UNC5D: variants seen among roughly 807,000 people sequenced by gnomAD.
UNC5D encodes the protein unc-5 netrin receptor D.
A neutral mutation model predicts 105.4 loss-of-function variants in UNC5D; 39 were observed. The observed-to-expected ratio is 0.37, with a 90% CI of 0.29 to 0.48. The LOEUF is 0.48. UNC5D is among the 20% of genes least tolerant of loss of function. The pLI is 0.98. For synonymous variants in UNC5D, 452 were observed against 450.4 expected, an observed-to-expected ratio of 1.00 and a Z score of -0.04; for missense variants, 991 against 1,202.4, an observed-to-expected ratio of 0.82 and a Z score of 2.60.
intron 4 of UNC5D, among the ~76,000 whole-genome samples, chr8:35,672,588 A>G (rs1158161096): frequency 3.9e-5 from 6 of 152,204 alleles, no homozygotes; most frequent in South Asian, 2.1e-4. Context: ...CTGTCCCACT[A>G]TGGAAAACAC....
At chr8:35,568,042 T>A in intron 2 of UNC5D, 56 bp from the exon 3 acceptor site, 2 of 1,590,202 alleles carry the variant, frequency 1.3e-6, no homozygotes, top group Non-Finnish European at 1.7e-6. Context: ...CTTAACTTTC[T>A]GTTTGAGAAA....
At chr8:35,474,873 G>A (rs1338403196) in intron 1 of UNC5D, among the ~76,000 whole-genome samples, 1 of 152,214 alleles carries the variant, frequency 6.6e-6, no homozygotes, top group Non-Finnish European at 1.5e-5. Flanking sequence ...GTGGAAAGGA[G>A]GCTCAGCAGA....
At chr8:35,715,896 G>A (rs1828226334) in intron 8 of UNC5D, among the ~76,000 whole-genome samples, 1 of 152,154 alleles carries the variant, frequency 6.6e-6, no homozygotes, top group Non-Finnish European at 1.5e-5. Context: ...ACAAGAAAGA[G>A]GGCAGGTGAG....
chr8:35,251,923 C>T (rs1316812306), intron 1 of UNC5D, among the ~76,000 whole-genome samples: 1 of 152,042 alleles, frequency 6.6e-6, no homozygotes, highest in Non-Finnish European at 1.5e-5. Context: ...AACCCCTGGC[C>T]TACACACCTT....
At chr8:35,428,346 A>ATTTTTTTT (rs35131097) in intron 1 of UNC5D, among the ~76,000 whole-genome samples, 3 of 92,810 alleles carry the variant, frequency 3.2e-5, no homozygotes, top group African/African-American at 4.5e-5. Context: ...ATGCCTGGCT[A>ATTTTTTTT]TTTTTTTTTT....
chr8:35,491,713 C>T (rs1811225235), intron 1 of UNC5D, among the ~76,000 whole-genome samples: 1 of 152,024 alleles, frequency 6.6e-6, no homozygotes, highest in Non-Finnish European at 1.5e-5. Flanking sequence ...CAAAGTGGTA[C>T]TTTGTTATAC....
intron 1 of UNC5D, among the ~76,000 whole-genome samples, chr8:35,437,673 T>A (rs1204531110): frequency 2.0e-5 from 3 of 152,090 alleles, no homozygotes; most frequent in Non-Finnish European, 2.9e-5. Context: ...AGTGGTGCTA[T>A]TAGCCGATAT....
intron 1 of UNC5D, among the ~76,000 whole-genome samples, chr8:35,515,554 G>A (rs969240371): frequency 6.6e-6 from 1 of 152,076 alleles, no homozygotes; most frequent in South Asian, 2.1e-4. Context: ...ATGTGGTGGT[G>A]TGCACCTGTA....
At chr8:35,536,801 G>T (rs1031240745) in intron 1 of UNC5D, among the ~76,000 whole-genome samples, 2 of 152,120 alleles carry the variant, frequency 1.3e-5, no homozygotes, top group African/African-American at 4.8e-5. Flanking sequence ...TTTGAGACCA[G>T]CCTGGCCAAT....
chr8:35,430,147 C>A (rs1806527574), intron 1 of UNC5D, among the ~76,000 whole-genome samples: 1 of 152,102 alleles, frequency 6.6e-6, no homozygotes, highest in Admixed American at 6.6e-5. Flanking sequence ...AGGATTGGGA[C>A]TTTCAGCCTG....
chr8:35,318,931 G>A (rs966430475), intron 1 of UNC5D, among the ~76,000 whole-genome samples: 1 of 152,034 alleles, frequency 6.6e-6, no homozygotes, highest in Non-Finnish European at 1.5e-5. Flanking sequence ...TACTAACTTA[G>A]GAGTTTCAAA....
chr8:35,667,658 T>C (rs1343681454), intron 4 of UNC5D, among the ~76,000 whole-genome samples: 1 of 152,224 alleles, frequency 6.6e-6, no homozygotes, highest in Non-Finnish European at 1.5e-5. Context: ...AAATAACATT[T>C]GTTGACCTAC....
At chr8:35,372,209 C>T (rs1802462907) in intron 1 of UNC5D, among the ~76,000 whole-genome samples, 1 of 152,066 alleles carries the variant, frequency 6.6e-6, no homozygotes, top group Non-Finnish European at 1.5e-5. Context: ...CTGCAACCTT[C>T]ACCCACTGGG....
At chr8:35,704,273 C>T (rs944551147) in intron 7 of UNC5D, among the ~76,000 whole-genome samples, 5 of 152,136 alleles carry the variant, frequency 3.3e-5, no homozygotes, top group Non-Finnish European at 5.9e-5. Flanking sequence ...TGGCAAAACA[C>T]ACTGGAGCTG....
chr8:35,364,412 C>T (rs1192991493), intron 1 of UNC5D, among the ~76,000 whole-genome samples: 1 of 152,140 alleles, frequency 6.6e-6, no homozygotes, highest in African/African-American at 2.4e-5. Flanking sequence ...ATGTCCCCAT[C>T]ATTTTCTAAA....
intron 1 of UNC5D, among the ~76,000 whole-genome samples, chr8:35,469,002 G>C (rs1157777417): frequency 6.6e-5 from 10 of 152,142 alleles, no homozygotes; most frequent in Admixed American, 6.5e-4. Context: ...ATAAATATTC[G>C]TGCCATGTGG....
chr8:35,671,946 T>C lies in UNC5D; in HGVS notation c.571-11601T>C, dbSNP rs184906578. On this transcript the variant is annotated intron_variant, in intron 4 of 16. Coordinates refer to ENST00000404895, the MANE Select transcript of UNC5D (RefSeq NM_080872.4). ...GAACAAATTTATAATTTATGCTAAT[T>C]CATTCTTAGTCACCCAATATGTGGA... Among the ~76,000 whole-genome samples, 115 of 152,330 alleles carry C rather than the reference T, an allele frequency of 7.5e-4. 1 individual carries two copies. Among genetic ancestry groups the C allele is most frequent in the East Asian group, 4.8e-3 (25 of 5,184 alleles).
chr8:35,543,325 G>A (rs977584827), intron 1 of UNC5D, among the ~76,000 whole-genome samples: 6 of 152,164 alleles, frequency 3.9e-5, no homozygotes, highest in Non-Finnish European at 7.3e-5. Context: ...AATTTAGAAC[G>A]TCTCAAAATC....
At chr8:35,735,003 C>T (rs1829391429) in intron 11 of UNC5D, among the ~76,000 whole-genome samples, 1 of 152,064 alleles carries the variant, frequency 6.6e-6, no homozygotes, top group Non-Finnish European at 1.5e-5. Context: ...GTCTCAAACT[C>T]CTGACCTCGG....
Sources: allele counts gnomAD v4.1 joint callset (sites outside exome capture counted in the v4.1 genomes callset), GRCh38; gene constraint gnomAD v4.1.1; transcripts MANE v1.5; gene names NCBI Gene and HGNC (gene_info 2026-07-23, HGNC 2026-07-21).